Variants in C10orf90 observed in about 807,000 individuals in gnomAD.
The protein encoded by C10orf90 is chromosome 10 open reading frame 90.
C10orf90 carries 56 observed loss-of-function variants against 62.5 expected under a neutral mutation model. The observed-to-expected ratio is 0.90, with a 90% CI of 0.72 to 1.12. The LOEUF is 1.12. Among genes scored for constraint, C10orf90 ranks in the 50% most tolerant of loss-of-function variants. The probability of loss-of-function intolerance (pLI) is 0.00; values close to 1 mark genes in which losing one functional copy is unlikely to be tolerated. For synonymous variants in C10orf90, 386 were observed against 340.4 expected, an observed-to-expected ratio of 1.13 and a Z score of -1.47; for missense variants, 970 against 880.4, an observed-to-expected ratio of 1.10 and a Z score of -1.29.
intron 4 of C10orf90, among the ~76,000 whole-genome samples, chr10:126,490,527 A>T (rs1861711302): frequency 6.6e-6 from 1 of 152,030 alleles, no homozygotes; most frequent in African/African-American, 2.4e-5. Flanking sequence ...TTACAAGATG[A>T]AAAGAGTTCT....
rs549828747 is a variant in C10orf90 at position 126,634,872 on chromosome 10, C to CA, written c.313+11692dup. Among the ~76,000 whole-genome samples, 4 of 152,344 alleles carry CA rather than the reference C, an allele frequency of 2.6e-5. No individual in the cohort carries two copies. The South Asian group carries it at 8.3e-4, about 32-fold the overall frequency. On this transcript the variant is annotated intron_variant, in intron 2 of 9. Transcript: ENST00000488181. ...TCAATCTTGTCTCCTAAGGAAAGAA[C>CA]AGTATCCTTTGACACAAAATTTTAA...
chr10:126,498,754 A>G (rs1418074236), intron 4 of C10orf90, among the ~76,000 whole-genome samples: 1 of 152,238 alleles, frequency 6.6e-6, no homozygotes, highest in African/African-American at 2.4e-5. Flanking sequence ...CCTGGGGAAT[A>G]TAAGGGCCCA....
At chr10:126,513,827 G>C in intron 3 of C10orf90, 21 bp downstream of exon 3, 2 of 1,498,908 alleles carry the variant, frequency 1.3e-6, no homozygotes, top group Non-Finnish European at 1.9e-6. Context: ...GACTATTCTA[G>C]AAGTTAGAAA....
chr10:126,517,753 T>C (rs1863517886), intron 2 of C10orf90, among the ~76,000 whole-genome samples: 1 of 151,814 alleles, frequency 6.6e-6, no homozygotes, highest in African/African-American at 2.4e-5. Flanking sequence ...CTACTAAAAA[T>C]ACAAAAATTA....
rs1862556582 is a variant in C10orf90 at position 126,504,062 on chromosome 10, G to T, written c.1429C>A (p.Gln477Lys). ...NTELANVGAN[Q>K]VTVRKGEKDH... is the part of the protein sequence containing the mutation. ...TTTTCCCCTTTTCTTACAGTGACTT[G>T]GTTAGCTCCCACATTTGCCAATTCT... The change falls in exon 4 of 10, where the codon CAA (glutamine) becomes AAA (lysine). Residue 477 changes from glutamine (Q) to lysine (K), a missense_variant. Physicochemically the swap from Gln to Lys is moderately conservative, Grantham distance 53 (BLOSUM62 1). Transcript: ENST00000488181. This position sits in a 1 kb window ranked among gnomAD's most constrained non-coding sequence, Gnocchi z 4.1. 1 of 1,614,136 alleles carries T rather than the reference G, an allele frequency of 6.2e-7. No individual in the cohort carries two copies. The highest frequency in any genetic ancestry group is 8.5e-7 in the Non-Finnish European group (1 of 1,180,034).
At position 126,442,478 on chromosome 10, in the gene C10orf90, C is replaced by CATATATATATAT. The variant is rs55780866; in HGVS notation, c.2189-12640_2189-12629dup. On this transcript the variant is annotated intron_variant, in intron 7 of 9. Coordinates refer to ENST00000488181, the MANE Select transcript of C10orf90 (RefSeq NM_001350921.2). ...ATAATAGTAGGGAACTTCAATATTT[C>CATATATATATAT]ATATATATATATATATATATATATA... Among the ~76,000 whole-genome samples the CATATATATATAT allele has an allele frequency of 8.5e-3, 287 of 33,774 alleles. 22 individuals are homozygous for CATATATATATAT. Among genetic ancestry groups the CATATATATATAT allele is most frequent in the African/African-American group, 0.011 (70 of 6,300 alleles). 22.2% of individuals were successfully genotyped at this position (33,774 alleles called of 152,430 possible).
chr10:126,484,135 G>T (rs1372083986), intron 4 of C10orf90, among the ~76,000 whole-genome samples: 1 of 152,082 alleles, frequency 6.6e-6, no homozygotes, highest in African/African-American at 2.4e-5. Flanking sequence ...GTATCATAAA[G>T]CACAGTAATT....
At chr10:126,630,073 G>A (rs1157688647) in intron 2 of C10orf90, among the ~76,000 whole-genome samples, 1 of 152,224 alleles carries the variant, frequency 6.6e-6, no homozygotes, top group East Asian at 1.9e-4. Context: ...GCGGCTGCCT[G>A]TGTGTGCACT....
chr10:126,598,228 G>A (rs1233684339), intron 2 of C10orf90, among the ~76,000 whole-genome samples: 1 of 152,142 alleles, frequency 6.6e-6, no homozygotes, highest in African/African-American at 2.4e-5. Flanking sequence ...ACAGGATGCT[G>A]CGCACTACCC....
At position 126,433,155 on chromosome 10, in the gene C10orf90, A is replaced by C. The variant is rs111963949; in HGVS notation, c.2189-3305T>G. Among the ~76,000 whole-genome samples, 236 of 152,240 alleles carry C rather than the reference A, an allele frequency of 1.6e-3. 2 individuals carry two copies. Among genetic ancestry groups the C allele is most frequent in the African/African-American group, 5.4e-3 (225 of 41,552 alleles). Reference sequence around the variant, plus strand: ...TTGTAAGGGCCAGGAGAGATGAATCAAGGATGACTCCCAGGCTTTGGGTTT... The same window carrying C: ...TTGTAAGGGCCAGGAGAGATGAATCCAGGATGACTCCCAGGCTTTGGGTTT... On this transcript the variant is annotated intron_variant, in intron 7 of 9. Transcript: ENST00000488181.
chr10:126,427,838 C>T (rs554998494), intron 8 of C10orf90, among the ~76,000 whole-genome samples: 1 of 152,298 alleles, frequency 6.6e-6, no homozygotes, highest in East Asian at 1.9e-4. Context: ...TATCATGGGA[C>T]TTTGCCTTGT....
Position 126,425,462 on chromosome 10 carries a change from G to T in C10orf90, c.*402C>A, listed in dbSNP as rs1167201355. 3 of 206,648 alleles carry T rather than the reference G, an allele frequency of 1.5e-5. No individual in the cohort carries two copies. Among genetic ancestry groups the T allele is most frequent in the East Asian group, 1.2e-4 (1 of 8,374 alleles). 12.8% of individuals were successfully genotyped at this position (206,648 alleles called of 1,614,324 possible). On this transcript the variant is annotated 3_prime_UTR_variant, in exon 10 of 10. Coordinates refer to ENST00000488181, the MANE Select transcript of C10orf90 (RefSeq NM_001350921.2). ...CAGGTGCTGAGATTGAAATTTAAAA[G>T]GAGATGGATTTGGATCCCAAAAGTT...
intron 4 of C10orf90, among the ~76,000 whole-genome samples, chr10:126,468,617 G>A (rs113335377): frequency 6.6e-6 from 1 of 152,150 alleles, no homozygotes. Flanking sequence ...GGCTGGTCTG[G>A]ATTTTCTGTT....
intron 6 of C10orf90, among the ~76,000 whole-genome samples, chr10:126,459,536 G>A (rs1273270737): frequency 6.6e-6 from 1 of 152,228 alleles, no homozygotes; most frequent in Non-Finnish European, 1.5e-5. Flanking sequence ...TGAGTCATTT[G>A]TTCCCAAAAG....
In C10orf90 at chr10:126,583,670, C is replaced by T. The variant is rs567936550; in HGVS notation, c.313+62895G>A. ...AGACAAAGCTGGCTCTGCCCCCCACCTTGCCACAGCTGTCCGGAGTCTCTC... is the reference window on the plus strand; with the variant it reads ...AGACAAAGCTGGCTCTGCCCCCCACTTTGCCACAGCTGTCCGGAGTCTCTC... On this transcript the variant is annotated intron_variant, in intron 2 of 9. Coordinates refer to ENST00000488181, the MANE Select transcript of C10orf90 (RefSeq NM_001350921.2). 2.0e-5 allele frequency among the ~76,000 whole-genome samples: 3 copies of T among 152,318 alleles called. No homozygotes were observed. In the South Asian group the frequency reaches 6.2e-4, roughly 32 times the overall value.
chr10:126,449,034 T>A (rs578178041), intron 7 of C10orf90, among the ~76,000 whole-genome samples: 15 of 152,340 alleles, frequency 9.8e-5, no homozygotes, highest in African/African-American at 3.6e-4. Context: ...AAATTCATTT[T>A]ATGAGGCCAT....
chr10:126,454,313 C>T (rs1451401324), intron 7 of C10orf90, among the ~76,000 whole-genome samples: 4 of 151,750 alleles, frequency 2.6e-5, no homozygotes, highest in Admixed American at 1.3e-4. Context: ...GTAGGAGTTG[C>T]ACCCCTACTG....
chr10:126,535,374 G>A (rs538011402), intron 2 of C10orf90, among the ~76,000 whole-genome samples: 1 of 151,990 alleles, frequency 6.6e-6, no homozygotes, highest in Non-Finnish European at 1.5e-5. Context: ...AAAATTAGCT[G>A]GGTGTGGTGG....
At chr10:126,611,343 T>C (rs1392501423) in intron 2 of C10orf90, among the ~76,000 whole-genome samples, 5 of 152,250 alleles carry the variant, frequency 3.3e-5, no homozygotes, top group Admixed American at 3.3e-4. Context: ...TTCCTTTTTA[T>C]TGCCGGATAA....
Sources: gnomAD v4.1 joint callset for allele counts (sites outside exome capture counted in the v4.1 genomes callset) on GRCh38, gnomAD v4.1.1 for gene constraint, Gnocchi (gnomAD v3.1) non-coding constraint, MANE v1.5 for transcripts, NCBI Gene and HGNC (gene_info 2026-07-23, HGNC 2026-07-21) for gene names.